Variants in VAV2 observed in about 807,000 individuals in gnomAD.
The protein encoded by VAV2 is guanine nucleotide exchange factor VAV2.
Under a neutral mutation model 132.5 loss-of-function variants are expected in VAV2, and 67 were observed. That is an observed-to-expected ratio of 0.51 (90% CI 0.42 to 0.62). The LOEUF is 0.62. Ranked by LOEUF, VAV2 falls within the 20% of genes least tolerant of loss-of-function variation. The probability of loss-of-function intolerance (pLI) is 0.00; values close to 1 mark genes in which losing one functional copy is unlikely to be tolerated. For synonymous variants in VAV2, 492 were observed against 443.5 expected, an observed-to-expected ratio of 1.11 and a Z score of -1.37; for missense variants, 938 against 1,153.6, an observed-to-expected ratio of 0.81 and a Z score of 2.71.
At chr9:133,900,467 T>G (rs1254778836) in intron 2 of VAV2, among the ~76,000 whole-genome samples, 1 of 151,980 alleles carries the variant, frequency 6.6e-6, no homozygotes, top group Non-Finnish European at 1.5e-5. Flanking sequence ...ACTCTAACTG[T>G]CCCTCCACCC....
At chr9:133,876,530 A>G (rs1288844025) in intron 2 of VAV2, among the ~76,000 whole-genome samples, 1 of 152,260 alleles carries the variant, frequency 6.6e-6, no homozygotes, top group Non-Finnish European at 1.5e-5. Context: ...ATGGCCACAC[A>G]GGGGACCAAA....
chr9:133,859,974 A>G (rs1837533990), intron 3 of VAV2, among the ~76,000 whole-genome samples: 1 of 152,116 alleles, frequency 6.6e-6, no homozygotes, highest in African/African-American at 2.4e-5. Context: ...TGTGTTCTAA[A>G]TATTCTTTTG....
At chr9:133,932,858 T>A (rs1255542344) in intron 2 of VAV2, among the ~76,000 whole-genome samples, 1 of 152,208 alleles carries the variant, frequency 6.6e-6, no homozygotes, top group Non-Finnish European at 1.5e-5. Flanking sequence ...GGGGTCCATC[T>A]GCCTGCTGCC....
chr9:133,879,981 C>T lies in VAV2; in HGVS notation c.322-18549G>A, dbSNP rs1838422665. Among the ~76,000 whole-genome samples the T allele has an allele frequency of 6.6e-6, 1 of 152,186 alleles. No homozygotes were observed. On this transcript the variant is annotated intron_variant, in intron 2 of 29. Transcript: ENST00000371850. This position sits in a 1 kb window ranked among gnomAD's most constrained non-coding sequence, Gnocchi z 4.4. Reference sequence around the variant, plus strand: ...TCTTTTCCTGTCTAAGGGTAGGATTCAAAAATGCACTTTTCCCAGAAAAGA... The same window carrying T: ...TCTTTTCCTGTCTAAGGGTAGGATTTAAAAATGCACTTTTCCCAGAAAAGA...
rs756723897 is a variant in VAV2, at chr9:133,770,400, G to A, written c.2325C>T (p.Ser775=). Reference sequence around the variant, plus strand: ...TACCTGGGGACCGGCTGGAGGCCCTGGAGGCCGAACGTTCCCGGGACTTGT... The same window carrying A: ...TACCTGGGGACCGGCTGGAGGCCCTAGAGGCCGAACGTTCCCGGGACTTGT... ...YPYKSRERSA[S]RASSRSPASC... is the part of the protein sequence containing the mutation. The change falls in exon 27 of 30, where the codon TCC becomes TCT. Residue 775 remains serine, a synonymous_variant. Coordinates refer to ENST00000371850, the MANE Select transcript of VAV2 (RefSeq NM_001134398.2). 4 of 1,613,956 alleles carry A rather than the reference G, an allele frequency of 2.5e-6. No homozygotes were observed. The Admixed American group carries it at 5.0e-5, about 20-fold the overall frequency.
At chr9:133,874,612 A>G (rs1295948747) in intron 2 of VAV2, among the ~76,000 whole-genome samples, 5 of 152,172 alleles carry the variant, frequency 3.3e-5, no homozygotes, top group Non-Finnish European at 5.9e-5. Context: ...TTATGGGAAC[A>G]GCACCTCAAG....
At chr9:133,796,576 C>A in intron 10 of VAV2, 52 bp from the exon 11 acceptor site, 2 of 1,542,528 alleles carry the variant, frequency 1.3e-6, no homozygotes, top group Non-Finnish European at 1.8e-6. Context: ...AAGCCTGAAC[C>A]CACCCACCTG....
At chr9:133,941,776 G>A (rs190940138) in intron 1 of VAV2, among the ~76,000 whole-genome samples, 21 of 152,178 alleles carry the variant, frequency 1.4e-4, no homozygotes, top group African/African-American at 4.3e-4. Context: ...GCTAATTTTT[G>A]TATTTTTAGT....
chr9:133,790,961 T>C (rs1048704230), intron 13 of VAV2, among the ~76,000 whole-genome samples: 3 of 152,096 alleles, frequency 2.0e-5, no homozygotes, highest in African/African-American at 7.2e-5. Flanking sequence ...TCCAGAGGCA[T>C]ATCTGGTTGG....
intron 1 of VAV2, among the ~76,000 whole-genome samples, chr9:133,977,778 C>A (rs1317499972): frequency 1.3e-5 from 2 of 152,206 alleles, no homozygotes; most frequent in East Asian, 1.9e-4. Flanking sequence ...GGCAGAAAAA[C>A]CAAAACATAG....
At chr9:133,946,666 C>T (rs1298198185) in intron 1 of VAV2, among the ~76,000 whole-genome samples, 1 of 152,220 alleles carries the variant, frequency 6.6e-6, no homozygotes, top group Non-Finnish European at 1.5e-5. Flanking sequence ...AATGCTGCGT[C>T]GTGCTGATCA....
chr9:133,869,713 C>CT (rs1362528159), intron 2 of VAV2, among the ~76,000 whole-genome samples: 6 of 152,210 alleles, frequency 3.9e-5, no homozygotes, highest in Non-Finnish European at 5.9e-5. Flanking sequence ...CTCTGCCGAT[C>CT]AGAAGAGCTT....
chr9:133,767,089 T>C (rs916687722), intron 29 of VAV2, among the ~76,000 whole-genome samples: 2 of 152,032 alleles, frequency 1.3e-5, no homozygotes, highest in African/African-American at 4.8e-5. Flanking sequence ...AAGGAGTAGA[T>C]GTGACAACTA....
Position 133,972,504 on chromosome 9 carries a change from C to G in VAV2, c.204+19571G>C, listed in dbSNP as rs563007167. On this transcript the variant is annotated intron_variant, in intron 1 of 29. Transcript: ENST00000371850. ...ATTATTAAAGGCAAACACTCTTTGC[C>G]GCTGGCTCCCGCAGACACATGTAGC... Among the ~76,000 whole-genome samples the G allele has an allele frequency of 6.6e-3, 1,001 of 152,172 alleles. 17 individuals carry two copies. The highest frequency in any genetic ancestry group is 0.023 in the African/African-American group (957 of 41,512).
In VAV2 at chr9:133,840,696, G is replaced by A. The variant is rs1224333854; in HGVS notation, c.381-6356C>T. Among the ~76,000 whole-genome samples the A allele has an allele frequency of 6.6e-6, 1 of 152,196 alleles. No homozygotes were observed. The highest frequency in any genetic ancestry group is 1.5e-5 in the Non-Finnish European group (1 of 68,042). ...CGGGGAATTACGGGGCACCTGCGTGGGGCTGGCATGGGCGGCCATTTGTCA... is the reference window on the plus strand; with the variant it reads ...CGGGGAATTACGGGGCACCTGCGTGAGGCTGGCATGGGCGGCCATTTGTCA... On this transcript the variant is annotated intron_variant, in intron 3 of 29. Transcript: ENST00000371850. This position sits in a 1 kb window ranked among gnomAD's most constrained non-coding sequence, Gnocchi z 4.5.
chr9:133,938,640 T>C (rs1432633552), intron 2 of VAV2, among the ~76,000 whole-genome samples: 1 of 151,890 alleles, frequency 6.6e-6, no homozygotes, highest in East Asian at 1.9e-4. Flanking sequence ...TGTCCCGGGG[T>C]AACCGAGATA....
chr9:133,954,156 C>T (rs999714405), intron 1 of VAV2, among the ~76,000 whole-genome samples: 3 of 152,184 alleles, frequency 2.0e-5, no homozygotes, highest in Admixed American at 2.0e-4. Flanking sequence ...TGGTTAGCAC[C>T]CATCATTTCG....
chr9:133,815,649 G>A (rs1233494479), intron 4 of VAV2, among the ~76,000 whole-genome samples: 3 of 152,170 alleles, frequency 2.0e-5, no homozygotes, highest in Non-Finnish European at 4.4e-5. Context: ...CCTGTTTACT[G>A]CTGAGTACTA....
At chr9:133,948,006 G>A (rs969447211) in intron 1 of VAV2, among the ~76,000 whole-genome samples, 4 of 152,066 alleles carry the variant, frequency 2.6e-5, no homozygotes, top group Non-Finnish European at 4.4e-5. Flanking sequence ...GGCCAGGCTC[G>A]TCTCAAACTC....
Sources: allele counts gnomAD v4.1 joint callset (sites outside exome capture counted in the v4.1 genomes callset), GRCh38; gene constraint gnomAD v4.1.1; non-coding constraint Gnocchi (gnomAD v3.1); transcripts MANE v1.5; gene names NCBI Gene and HGNC (gene_info 2026-07-23, HGNC 2026-07-21).